The following DLG1 variants were observed in gnomAD, a reference collection of about 807,000 sequenced individuals.
DLG1 encodes disks large homolog 1.
Under a neutral mutation model 123.4 loss-of-function variants are expected in DLG1, and 42 were observed. The observed-to-expected ratio is 0.34, with a 90% CI of 0.27 to 0.44. The LOEUF is 0.44. Ranked by LOEUF, DLG1 falls within the 20% of genes least tolerant of loss-of-function variation. The pLI, the probability that DLG1 is intolerant of heterozygous loss-of-function variation, is 1.00. For missense variants in DLG1, 942 were observed against 1,082.6 expected, an observed-to-expected ratio of 0.87 and a Z score of 1.82; for synonymous variants, 317 against 356.2, an observed-to-expected ratio of 0.89 and a Z score of 1.24.
At chr3:197,083,885 G>T (rs1042718976) in intron 16 of DLG1, among the ~76,000 whole-genome samples, 2 of 152,136 alleles carry the variant, frequency 1.3e-5, no homozygotes, top group Admixed American at 6.6e-5. Context: ...GAGGTGGGGG[G>T]ATAGCTTGAG....
At chr3:197,134,472 CAAAA>C (rs11319273) in intron 10 of DLG1, among the ~76,000 whole-genome samples, 12 of 96,566 alleles carry the variant, frequency 1.2e-4, no homozygotes, top group African/African-American at 3.5e-4. Context: ...TTCATAATAC[CAAAA>C]AAAAAAAAAA....
chr3:197,289,365 C>CACACAT, intron 3 of DLG1, among the ~76,000 whole-genome samples: 1 of 152,156 alleles, frequency 6.6e-6, no homozygotes. Context: ...CACACACACA[C>CACACAT]ACAAATAACA....
intron 4 of DLG1, among the ~76,000 whole-genome samples, chr3:197,249,540 C>T (rs1183955777): frequency 3.3e-5 from 5 of 151,910 alleles, no homozygotes; most frequent in African/African-American, 7.3e-5. Flanking sequence ...AAAAAAAAAT[C>T]GAATGTTTTG....
At chr3:197,165,631 A>C (rs1176272439) in intron 5 of DLG1, among the ~76,000 whole-genome samples, 1 of 152,188 alleles carries the variant, frequency 6.6e-6, no homozygotes, top group Non-Finnish European at 1.5e-5. Flanking sequence ...TCTGAATTCC[A>C]CATTATGAGC....
At chr3:197,190,428 T>G (rs1057187576) in intron 5 of DLG1, among the ~76,000 whole-genome samples, 9 of 152,160 alleles carry the variant, frequency 5.9e-5, no homozygotes, top group Non-Finnish European at 1.0e-4. Flanking sequence ...CTCTGTATAC[T>G]TGGGTTTTGC....
Position 197,282,781 on chromosome 3 carries a change from C to T in DLG1, c.216G>A (p.Pro72=), listed in dbSNP as rs770745780. 8.1e-6 allele frequency: 13 copies of T among 1,609,660 alleles called. No homozygotes were observed. Among genetic ancestry groups the T allele is most frequent in the South Asian group, 3.3e-5 (3 of 90,666 alleles). ...TATTCACAGGTTGAATTGGTTCAGA[C>T]GGCTTTGAACGATCTATACATTTTG... is the stretch of plus-strand genomic sequence containing the variant. ...DNPKCIDRSK[P]SEPIQPVNTW... The change falls in exon 4 of 25, where the codon CCG becomes CCA. Residue 72 remains proline (P), a synonymous_variant. Transcript: ENST00000667157.
intron 1 of DLG1, chr3:197,297,872 G>C (rs1356257056): frequency 1.0e-6 from 1 of 985,094 alleles, no homozygotes; most frequent in Non-Finnish European, 1.2e-6. Flanking sequence ...TCCCCAGCCC[G>C]GCCCCGCTCC....
intron 19 of DLG1, among the ~76,000 whole-genome samples, chr3:197,067,303 AAAT>A (rs1740269536): frequency 6.6e-6 from 1 of 152,068 alleles, no homozygotes. Context: ...CTTTGTAAAA[AAAT>A]AATAAATTTA....
intron 24 of DLG1, among the ~76,000 whole-genome samples, chr3:197,047,485 G>A (rs7638423): frequency 0.33 from 49,665 of 151,970 alleles, 9,779 homozygotes; most frequent in East Asian, 0.72. Context: ...AATTTAGGCT[G>A]ATATTATTTC....
chr3:197,269,914 T>C (rs1267306990), intron 4 of DLG1, among the ~76,000 whole-genome samples: 1 of 152,218 alleles, frequency 6.6e-6, no homozygotes, highest in African/African-American at 2.4e-5. Context: ...ATATTAATAT[T>C]GTAAACTATT....
chr3:197,195,659 G>C (rs562177552), intron 4 of DLG1, among the ~76,000 whole-genome samples: 4 of 152,222 alleles, frequency 2.6e-5, no homozygotes, highest in African/African-American at 9.6e-5. Context: ...GTTCCCACTT[G>C]TAAGTGGGAG....
intron 19 of DLG1, chr3:197,068,402 T>C: frequency 1.3e-6 from 1 of 790,908 alleles, no homozygotes. Context: ...AATCATTAAG[T>C]AACTATTGTG....
chr3:197,067,590 T>C (rs868756246), intron 19 of DLG1, among the ~76,000 whole-genome samples: 12 of 134,508 alleles, frequency 8.9e-5, no homozygotes, highest in Middle Eastern at 4.1e-3. Flanking sequence ...GGAGTTTCGC[T>C]CTTGTTGCCT....
At chr3:197,258,075 A>G (rs184515830) in intron 4 of DLG1, among the ~76,000 whole-genome samples, 376 of 152,358 alleles carry the variant, frequency 2.5e-3, no homozygotes, top group African/African-American at 8.2e-3. Flanking sequence ...TGTATGAACA[A>G]TAATCAGAAA....
chr3:197,063,829 A>C (rs1357096369), intron 22 of DLG1, among the ~76,000 whole-genome samples: 1 of 152,162 alleles, frequency 6.6e-6, no homozygotes, highest in East Asian at 1.9e-4. Context: ...CCAGCAATGC[A>C]CAACTGTTTT....
intron 2 of DLG1, 80 bp downstream of exon 2, chr3:197,297,106 G>A (rs907312673): frequency 1.3e-6 from 2 of 1,496,826 alleles, no homozygotes; most frequent in African/African-American, 2.8e-5. Context: ...TTACACAAAC[G>A]ATTCTAAAAC....
chr3:197,267,723 T>C (rs749477950), intron 4 of DLG1, among the ~76,000 whole-genome samples: 1 of 152,244 alleles, frequency 6.6e-6, no homozygotes, highest in African/African-American at 2.4e-5. Flanking sequence ...AGATGCATAA[T>C]GCTGAAGTCT....
At chr3:197,172,917 T>C (rs1204688000) in intron 5 of DLG1, among the ~76,000 whole-genome samples, 1 of 152,194 alleles carries the variant, frequency 6.6e-6, no homozygotes, top group East Asian at 1.9e-4. Context: ...CAAACTGCAT[T>C]AGGAAGTACA....
chr3:197,195,848 A>T (rs1457422429), intron 4 of DLG1, among the ~76,000 whole-genome samples: 3 of 152,058 alleles, frequency 2.0e-5, no homozygotes, highest in African/African-American at 7.3e-5. Context: ...CCATGTAACA[A>T]ACCTACATAT....
Sources: gnomAD v4.1 joint callset for allele counts (sites outside exome capture counted in the v4.1 genomes callset) on GRCh38, gnomAD v4.1.1 for gene constraint, MANE v1.5 for transcripts, NCBI Gene and HGNC (gene_info 2026-07-23, HGNC 2026-07-21) for gene names.